ZMYND8: variants seen among roughly 807,000 people sequenced by gnomAD.
The protein encoded by ZMYND8 is MYND-type zinc finger-containing chromatin reader ZMYND8.
Under a neutral mutation model 140.8 loss-of-function variants are expected in ZMYND8, and 37 were observed. The ratio of observed to expected loss-of-function variants is 0.26; its 90% CI spans 0.20 to 0.35. ZMYND8 has a LOEUF of 0.35. Among genes scored for constraint, ZMYND8 ranks in the 10% least tolerant of loss-of-function variants. The pLI is 1.00. For missense variants in ZMYND8, 1,068 were observed against 1,570.0 expected, an observed-to-expected ratio of 0.68 and a Z score of 5.40; for synonymous variants, 592 against 597.1, an observed-to-expected ratio of 0.99 and a Z score of 0.12.
chr20:47,283,728 GA>G (rs2076749900), intron 8 of ZMYND8, 80 bp from the exon 9 acceptor site: 1 of 1,424,526 alleles, frequency 7.0e-7, no homozygotes, highest in East Asian at 2.3e-5. Context: ...TGATGATTTT[GA>G]AGGTTAAGAT....
intron 1 of ZMYND8, chr20:47,351,702 G>A (rs2082797870): frequency 5.1e-6 from 5 of 985,226 alleles, no homozygotes; most frequent in Non-Finnish European, 3.6e-6. Context: ...CTTTATATAA[G>A]CACTCACCTA....
intron 3 of ZMYND8, among the ~76,000 whole-genome samples, chr20:47,300,162 T>C (rs1393912369): frequency 6.6e-6 from 1 of 152,160 alleles, no homozygotes; most frequent in African/African-American, 2.4e-5. Context: ...ATAATGAAAA[T>C]GTCTATCAGA....
At chr20:47,327,383 G>A (rs2148414885) in intron 2 of ZMYND8, among the ~76,000 whole-genome samples, 1 of 152,050 alleles carries the variant, frequency 6.6e-6, no homozygotes, top group Middle Eastern at 3.4e-3. Context: ...GCCAGGTGCG[G>A]TGGCTCACAC....
intron 2 of ZMYND8, among the ~76,000 whole-genome samples, chr20:47,324,094 CG>C (rs1046819603): frequency 5.4e-5 from 8 of 149,284 alleles, no homozygotes; most frequent in African/African-American, 2.0e-4. Flanking sequence ...CCCAGCTGCT[CG>C]GGGGGCTAAG....
chr20:47,336,794 C>A (rs1246245075), intron 2 of ZMYND8, among the ~76,000 whole-genome samples: 2 of 152,164 alleles, frequency 1.3e-5, no homozygotes, highest in African/African-American at 4.8e-5. Context: ...AAAAGAAAAT[C>A]CCAGCTGGCC....
chr20:47,276,517 G>A lies in ZMYND8; in HGVS notation c.1277C>T (p.Ser426Phe), dbSNP rs2076270093. 1 of 1,614,060 alleles carries A rather than the reference G, an allele frequency of 6.2e-7. No homozygotes were observed. The highest frequency in any genetic ancestry group is 8.5e-7 in the Non-Finnish European group (1 of 1,180,022). Reference sequence around the variant, plus strand: ...AGGCTTGCTCATCAGGATCTTGGGGGATGCCGTCATGTCAAAGTTGAGCTT... The same window carrying A: ...AGGCTTGCTCATCAGGATCTTGGGGAATGCCGTCATGTCAAAGTTGAGCTT... ...KVKLNFDMTA[S>F]PKILMSKPVL... The change falls in exon 11 of 23, where the codon TCC becomes TTC. Residue 426 changes from serine to phenylalanine, a missense_variant. Physicochemically the swap from Ser to Phe is radical, Grantham distance 155. This residue lies in a region of ZMYND8 where 173 missense variants were observed against 223.3 expected (regional missense o/e 0.77). Transcript: ENST00000471951.
intron 14 of ZMYND8, among the ~76,000 whole-genome samples, chr20:47,240,575 G>T (rs2039837463): frequency 6.6e-6 from 1 of 151,766 alleles, no homozygotes; most frequent in Non-Finnish European, 1.5e-5. Context: ...TATTTATTGA[G>T]ATGGATTCTC....
chr20:47,307,134 T>C (rs1470588298), intron 3 of ZMYND8, among the ~76,000 whole-genome samples: 1 of 151,984 alleles, frequency 6.6e-6, no homozygotes, highest in African/African-American at 2.4e-5. Context: ...ATGAATGGGA[T>C]TAGTGCCCTT....
chr20:47,249,023 C>G (rs6090644), intron 13 of ZMYND8, among the ~76,000 whole-genome samples: 3 of 152,160 alleles, frequency 2.0e-5, no homozygotes, highest in African/African-American at 7.2e-5. Context: ...GCTTGCAAAC[C>G]TTGATGATTC....
intron 2 of ZMYND8, among the ~76,000 whole-genome samples, chr20:47,329,820 C>T (rs1437879948): frequency 1.3e-5 from 2 of 152,188 alleles, no homozygotes; most frequent in Admixed American, 6.5e-5. Flanking sequence ...CAGGACACTG[C>T]ACAATCATCC....
Position 47,291,779 on chromosome 20 carries a change from C to A in ZMYND8, c.660+17G>T. On this transcript the variant is annotated intron_variant, in intron 6 of 22. Coordinates refer to ENST00000471951, the MANE Select transcript of ZMYND8 (RefSeq NM_001281775.3). ...AACTGTGGGCTAGAATGGTGAGGTT[C>A]TTTGACGGAGGCCAACCTTTTCCAA... 6.2e-7 allele frequency: 1 copy of A among 1,604,650 alleles called. No individual in the cohort carries two copies. The highest frequency in any genetic ancestry group is 1.7e-4 in the Middle Eastern group (1 of 6,040).
intron 14 of ZMYND8, among the ~76,000 whole-genome samples, chr20:47,241,070 C>T (rs1019022453): frequency 2.6e-5 from 4 of 151,660 alleles, no homozygotes; most frequent in African/African-American, 7.3e-5. Flanking sequence ...CCGAGGCGGG[C>T]AGATCACGAA....
Position 47,309,699 on chromosome 20 carries a change from G to C in ZMYND8, c.234+357C>G, listed in dbSNP as rs142609571. Among the ~76,000 whole-genome samples, 240 of 151,946 alleles carry C rather than the reference G, an allele frequency of 1.6e-3. 1 individual carries two copies. The highest frequency in any genetic ancestry group is 3.4e-3 in the Middle Eastern group (1 of 294). ...CGCTTCCAGACAGAGCTGAGAACTA[G>C]TCCTGTGGGCATGGCCCAGGAGGGG... On this transcript the variant is annotated intron_variant, in intron 3 of 22. Transcript: ENST00000471951.
chr20:47,262,331 C>A lies in ZMYND8; in HGVS notation c.1578G>T (p.Thr526=). The change falls in exon 12 of 23, where the codon ACG becomes ACT. Residue 526 remains threonine, a synonymous_variant. Coordinates refer to ENST00000471951, the MANE Select transcript of ZMYND8 (RefSeq NM_001281775.3). ...PQLSAPITTK[T]DKTSTTGSIL... ...TGCTGCCGGTGGTGGAGGTTTTGTC[C>A]GTTTTCGTCGTGATAGGAGCTGACA... 1 of 1,613,674 alleles carries A rather than the reference C, an allele frequency of 6.2e-7. No individual in the cohort carries two copies. Among genetic ancestry groups the A allele is most frequent in the Non-Finnish European group, 8.5e-7 (1 of 1,179,992 alleles).
intron 16 of ZMYND8, among the ~76,000 whole-genome samples, chr20:47,231,916 T>C (rs535544043): frequency 7.9e-5 from 12 of 152,314 alleles, no homozygotes; most frequent in African/African-American, 2.6e-4. Flanking sequence ...AACTTCCAAA[T>C]ATAGCAAAGA....
At chr20:47,310,028 A>G (rs1456127844) in intron 3 of ZMYND8, 28 bp downstream of exon 3, 9 of 1,613,758 alleles carry the variant, frequency 5.6e-6, no homozygotes, top group South Asian at 4.4e-5. Context: ...CCCACCAGTG[A>G]GGACACCGTT....
chr20:47,212,986 C>T (rs2035505673), intron 21 of ZMYND8, among the ~76,000 whole-genome samples: 1 of 152,170 alleles, frequency 6.6e-6, no homozygotes, highest in Admixed American at 6.5e-5. Context: ...GACATAAAAG[C>T]AACTCAGCAT....
intron 3 of ZMYND8, among the ~76,000 whole-genome samples, chr20:47,303,219 G>C (rs949263916): frequency 6.6e-6 from 1 of 152,026 alleles, no homozygotes; most frequent in South Asian, 2.1e-4. Context: ...AGAGAGGGCG[G>C]GGAACTCCTG....
In ZMYND8 at chr20:47,263,421, G is replaced by A. The variant is rs574866703; in HGVS notation, c.1481-993C>T. ...GGGCTTCGAAAGTGCTGGGACACTT[G>A]TGTGGGCAGCACTTGCCTCAGTTTC... On this transcript the variant is annotated intron_variant, in intron 11 of 22. Transcript: ENST00000471951. Among the ~76,000 whole-genome samples, 146 of 150,914 alleles carry A rather than the reference G, an allele frequency of 9.7e-4. 1 individual carries two copies. Among genetic ancestry groups the A allele is most frequent in the African/African-American group, 3.4e-3 (140 of 41,260 alleles).
Sources: allele counts gnomAD v4.1 joint callset (sites outside exome capture counted in the v4.1 genomes callset), GRCh38; gene constraint gnomAD v4.1.1; regional missense constraint gnomAD v4.1.1; transcripts MANE v1.5; gene names NCBI Gene and HGNC (gene_info 2026-07-23, HGNC 2026-07-21).